CDH18: variants seen among roughly 807,000 people sequenced by gnomAD.
The protein encoded by CDH18 is cadherin-18.
CDH18 carries 31 observed loss-of-function variants against 67.9 expected under a neutral mutation model. That is an observed-to-expected ratio of 0.46 (90% CI 0.34 to 0.62). CDH18 has a LOEUF of 0.62. CDH18 is among the 20% of genes least tolerant of loss of function. The pLI is 0.01. For missense variants in CDH18, 890 were observed against 975.5 expected, an observed-to-expected ratio of 0.91 and a Z score of 1.17; for synonymous variants, 362 against 347.2, an observed-to-expected ratio of 1.04 and a Z score of -0.48.
At position 19,727,306 on chromosome 5, in the gene CDH18, G is replaced by A. The variant is rs539974760; in HGVS notation, c.524-5840C>T. ...AGAGAAGATCATGCCAGAGTAGTGC[G>A]GGCCTCTAATCTACATTGACTGGCA... On this transcript the variant is annotated intron_variant, in intron 4 of 12. Coordinates refer to ENST00000382275, the MANE Select transcript of CDH18 (RefSeq NM_004934.5). Among the ~76,000 whole-genome samples the A allele has an allele frequency of 6.6e-5, 10 of 152,132 alleles. No homozygotes were observed. The South Asian group carries it at 1.9e-3, about 28-fold the overall frequency.
chr5:20,283,069 A>C (rs1746408726), intron 1 of CDH18, among the ~76,000 whole-genome samples: 1 of 152,140 alleles, frequency 6.6e-6, no homozygotes, highest in Non-Finnish European at 1.5e-5. Context: ...ATCCATATGC[A>C]GAAAAGTCAA....
intron 5 of CDH18, among the ~76,000 whole-genome samples, chr5:19,687,267 A>T (rs1290523469): frequency 6.6e-6 from 1 of 152,126 alleles, no homozygotes; most frequent in Non-Finnish European, 1.5e-5. Flanking sequence ...CTGCTAAGAG[A>T]TAAGAAGTTG....
At chr5:20,386,702 T>A (rs1744338532) in intron 1 of CDH18, among the ~76,000 whole-genome samples, 1 of 152,168 alleles carries the variant, frequency 6.6e-6, no homozygotes. Context: ...ATTCAATTTT[T>A]ATAATAATTT....
chr5:19,539,743 A>C (rs913489109), intron 9 of CDH18, among the ~76,000 whole-genome samples: 2 of 152,190 alleles, frequency 1.3e-5, no homozygotes, highest in Admixed American at 6.5e-5. Flanking sequence ...ATCAGATTTC[A>C]TGAGACTTAT....
chr5:20,440,517 G>A (rs946017887), intron 1 of CDH18, among the ~76,000 whole-genome samples: 1 of 151,884 alleles, frequency 6.6e-6, no homozygotes, highest in African/African-American at 2.4e-5. Flanking sequence ...ATAAAAGTTG[G>A]AAATAATGAG....
intron 9 of CDH18, among the ~76,000 whole-genome samples, chr5:19,542,475 A>T (rs1021494925): frequency 1.3e-5 from 2 of 152,200 alleles, no homozygotes; most frequent in Admixed American, 1.3e-4. Flanking sequence ...TGCCTACAGC[A>T]ATATTATTCC....
intron 2 of CDH18, among the ~76,000 whole-genome samples, chr5:19,932,546 A>G (rs1437482687): frequency 6.6e-6 from 1 of 151,508 alleles, no homozygotes; most frequent in Non-Finnish European, 1.5e-5. Flanking sequence ...AACAATAATT[A>G]CAATCCGCCC....
intron 2 of CDH18, among the ~76,000 whole-genome samples, chr5:20,193,094 T>C (rs899249343): frequency 2.0e-5 from 3 of 152,124 alleles, no homozygotes; most frequent in African/African-American, 7.2e-5. Context: ...TCCTAAGTAT[T>C]GTATTCTCTT....
At chr5:19,741,257 G>A (rs199534823) in intron 4 of CDH18, among the ~76,000 whole-genome samples, 12 of 58,412 alleles carry the variant, frequency 2.1e-4, no homozygotes, top group Admixed American at 1.2e-3. Flanking sequence ...ATGTATATAT[G>A]TATACATATA....
At chr5:19,662,413 C>T (rs1757306481) in intron 5 of CDH18, among the ~76,000 whole-genome samples, 1 of 151,922 alleles carries the variant, frequency 6.6e-6, no homozygotes, top group Non-Finnish European at 1.5e-5. Context: ...TCTCACTGTG[C>T]ATAAAGAAGG....
chr5:19,789,262 T>C lies in CDH18; in HGVS notation c.229-42026A>G, dbSNP rs1452021716. Among the ~76,000 whole-genome samples the C allele has an allele frequency of 2.0e-5, 3 of 152,186 alleles. No individual in the cohort carries two copies. The East Asian group carries it at 5.8e-4, about 29-fold the overall frequency. On this transcript the variant is annotated intron_variant, in intron 3 of 12. Transcript: ENST00000382275. ...GCAAGTTACTTAACCTTACTGGGCG[T>C]CAGTTATTTTATCTGTAAAGTAAAA...
chr5:19,580,695 A>G (rs537888361), intron 7 of CDH18, among the ~76,000 whole-genome samples: 2 of 152,084 alleles, frequency 1.3e-5, no homozygotes, highest in South Asian at 2.1e-4. Context: ...CCATCTACAA[A>G]TGAGGAAACT....
At chr5:19,780,214 C>T (rs1774940922) in intron 3 of CDH18, among the ~76,000 whole-genome samples, 1 of 152,076 alleles carries the variant, frequency 6.6e-6, no homozygotes. Flanking sequence ...AGAAAGTATT[C>T]ATCATTTAAC....
chr5:19,569,517 T>C (rs948132866), intron 8 of CDH18, among the ~76,000 whole-genome samples: 4 of 152,284 alleles, frequency 2.6e-5, no homozygotes, highest in Admixed American at 1.3e-4. Context: ...ACAATGCATA[T>C]TTTTTCCAAG....
intron 1 of CDH18, among the ~76,000 whole-genome samples, chr5:20,522,694 C>G (rs1252719731): frequency 6.6e-6 from 1 of 152,022 alleles, no homozygotes; most frequent in African/African-American, 2.4e-5. Context: ...ATTTCAGGAC[C>G]AATAAATTAA....
At chr5:20,185,303 T>A (rs574361373) in intron 2 of CDH18, among the ~76,000 whole-genome samples, 1 of 152,160 alleles carries the variant, frequency 6.6e-6, no homozygotes, top group South Asian at 2.1e-4. Flanking sequence ...TACGGTAGCA[T>A]CCTACGTGAT....
chr5:20,373,003 A>G (rs1281731863), intron 1 of CDH18, among the ~76,000 whole-genome samples: 1 of 152,166 alleles, frequency 6.6e-6, no homozygotes, highest in African/African-American at 2.4e-5. Context: ...TGAGGCTTCA[A>G]TGACAGACAT....
At chr5:19,851,751 ATG>A (rs140494247) in intron 2 of CDH18, among the ~76,000 whole-genome samples, 162 of 149,834 alleles carry the variant, frequency 1.1e-3, no homozygotes, top group East Asian at 4.5e-3. Context: ...GTGTGTGTGT[ATG>A]TGTGTGTGTG....
intron 1 of CDH18, among the ~76,000 whole-genome samples, chr5:20,264,456 C>A (rs191108946): frequency 6.6e-6 from 1 of 151,882 alleles, no homozygotes; most frequent in African/African-American, 2.4e-5. Context: ...AATTTAATAG[C>A]GTGTACACAT....
Sources: allele counts gnomAD v4.1 joint callset (sites outside exome capture counted in the v4.1 genomes callset), GRCh38; gene constraint gnomAD v4.1.1; transcripts MANE v1.5; gene names NCBI Gene and HGNC (gene_info 2026-07-23, HGNC 2026-07-21).